The following SLC39A11 variants were observed in gnomAD, a reference collection of about 807,000 sequenced individuals.
SLC39A11 encodes the protein solute carrier family 39 member 11.
SLC39A11 carries 33 observed loss-of-function variants against 36.1 expected under a neutral mutation model. The ratio of observed to expected loss-of-function variants is 0.91; its 90% CI spans 0.69 to 1.22. The LOEUF (loss-of-function observed/expected upper bound fraction) is 1.22. Among genes scored for constraint, SLC39A11 ranks in the 50% most tolerant of loss-of-function variants. The probability of loss-of-function intolerance (pLI) is 0.00; values close to 1 mark genes in which losing one functional copy is unlikely to be tolerated. For synonymous variants in SLC39A11, 166 were observed against 170.3 expected (o/e 0.97, Z 0.20); for missense variants, 432 against 430.3 (o/e 1.00, Z -0.03).
At chr17:72,976,988 G>A (rs893859718) in intron 4 of SLC39A11, among the ~76,000 whole-genome samples, 9 of 152,296 alleles carry the variant, frequency 5.9e-5, no homozygotes, top group African/African-American at 1.9e-4. Context: ...CTTATCCCCA[G>A]GACCTATGAC....
At chr17:72,956,836 T>C (rs963303879) in intron 4 of SLC39A11, among the ~76,000 whole-genome samples, 1 of 152,160 alleles carries the variant, frequency 6.6e-6, no homozygotes, top group Non-Finnish European at 1.5e-5. Context: ...TGTGTATGTA[T>C]CGCACAACTA....
At chr17:72,680,727 G>C (rs1250590249) in intron 7 of SLC39A11, among the ~76,000 whole-genome samples, 2 of 152,164 alleles carry the variant, frequency 1.3e-5, no homozygotes, top group African/African-American at 4.8e-5. Flanking sequence ...TTTTGTGTTG[G>C]CTTTTTCCAC....
At chr17:72,648,461 C>T (rs1374979245) in intron 9 of SLC39A11, among the ~76,000 whole-genome samples, 1 of 152,112 alleles carries the variant, frequency 6.6e-6, no homozygotes, top group Non-Finnish European at 1.5e-5. Context: ...ATCACCTTCA[C>T]TGACATTTTA....
intron 7 of SLC39A11, among the ~76,000 whole-genome samples, chr17:72,677,469 G>A (rs1431818808): frequency 2.6e-5 from 4 of 152,226 alleles, no homozygotes; most frequent in Non-Finnish European, 5.9e-5. Context: ...GGAAAAAAGA[G>A]AAGAGGGTGG....
intron 6 of SLC39A11, among the ~76,000 whole-genome samples, chr17:72,745,800 G>C (rs940274642): frequency 7.9e-5 from 12 of 152,168 alleles, no homozygotes; most frequent in African/African-American, 2.9e-4. Context: ...AAGCGGTGAT[G>C]CTACGACTTT....
intron 4 of SLC39A11, among the ~76,000 whole-genome samples, chr17:72,966,656 A>G (rs535831078): frequency 1.3e-5 from 2 of 151,600 alleles, no homozygotes; most frequent in South Asian, 2.1e-4. Flanking sequence ...TGCAAGCTCC[A>G]CCTCCCGGGT....
At chr17:73,057,740 C>A (rs1349246572) in intron 3 of SLC39A11, among the ~76,000 whole-genome samples, 1 of 152,144 alleles carries the variant, frequency 6.6e-6, no homozygotes, top group Admixed American at 6.5e-5. Flanking sequence ...GAGTACGAGA[C>A]CAGCCTGGCG....
chr17:73,023,227 A>G (rs2058415157), intron 4 of SLC39A11, among the ~76,000 whole-genome samples: 1 of 116,772 alleles, frequency 8.6e-6, no homozygotes, highest in Non-Finnish European at 1.8e-5. Flanking sequence ...CACAGTGCCT[A>G]AAAAAAAAAA....
At chr17:73,080,440 G>C (rs1346597812) in intron 3 of SLC39A11, among the ~76,000 whole-genome samples, 1 of 152,044 alleles carries the variant, frequency 6.6e-6, no homozygotes, top group Non-Finnish European at 1.5e-5. Context: ...ACATATAGAA[G>C]AACAAAACTG....
chr17:72,970,795 A>G (rs372819236), intron 4 of SLC39A11, among the ~76,000 whole-genome samples: 3 of 152,226 alleles, frequency 2.0e-5, no homozygotes, highest in Admixed American at 6.5e-5. Context: ...GATGAGAGGA[A>G]GCCTCCCCAC....
intron 5 of SLC39A11, among the ~76,000 whole-genome samples, chr17:72,924,089 G>C (rs774282493): frequency 1.3e-5 from 2 of 149,816 alleles, no homozygotes; most frequent in African/African-American, 2.5e-5. Flanking sequence ...CAAGGCTGCA[G>C]TGAGCCAAAT....
chr17:73,009,134 C>T (rs572196033), intron 4 of SLC39A11, among the ~76,000 whole-genome samples: 2 of 150,056 alleles, frequency 1.3e-5, no homozygotes, highest in Admixed American at 6.6e-5. Flanking sequence ...GAGGCCAAGG[C>T]GGGCGGATCA....
chr17:72,785,018 C>A (rs2076459641), intron 6 of SLC39A11, among the ~76,000 whole-genome samples: 1 of 152,046 alleles, frequency 6.6e-6, no homozygotes, highest in Non-Finnish European at 1.5e-5. Flanking sequence ...CAGGCATGCG[C>A]CCCCATGCTT....
At chr17:72,755,569 A>G (rs1211277176) in intron 6 of SLC39A11, among the ~76,000 whole-genome samples, 1 of 152,264 alleles carries the variant, frequency 6.6e-6, no homozygotes, top group African/African-American at 2.4e-5. Context: ...ACTGCAAAAC[A>G]CTTGGTAAAT....
At chr17:72,680,032 ACT>A (rs1331567262) in intron 7 of SLC39A11, among the ~76,000 whole-genome samples, 1 of 122,994 alleles carries the variant, frequency 8.1e-6, no homozygotes, top group African/African-American at 3.6e-5. Flanking sequence ...ACAGAGTGAG[ACT>A]CTGTCTCAAA....
At chr17:72,741,530 T>C (rs1379406132) in intron 6 of SLC39A11, among the ~76,000 whole-genome samples, 1 of 152,176 alleles carries the variant, frequency 6.6e-6, no homozygotes, top group Non-Finnish European at 1.5e-5. Flanking sequence ...TAGCCCAGTG[T>C]CTAGCATACA....
chr17:72,822,515 A>C (rs1267948154), intron 6 of SLC39A11, among the ~76,000 whole-genome samples: 2 of 150,910 alleles, frequency 1.3e-5, no homozygotes, highest in Admixed American at 6.6e-5. Flanking sequence ...CCTCAGCTTC[A>C]CGTGGCCAGT....
At chr17:73,057,778 A>G (rs1369268533) in intron 3 of SLC39A11, among the ~76,000 whole-genome samples, 1 of 152,144 alleles carries the variant, frequency 6.6e-6, no homozygotes, top group Non-Finnish European at 1.5e-5. Context: ...TCTCTACAAA[A>G]ATACGAAAAT....
chr17:72,716,990 T>TAC lies in SLC39A11; in HGVS notation c.671+19659_671+19660insGT, dbSNP rs1452808858. Among the ~76,000 whole-genome samples, 351 of 123,348 alleles carry TAC rather than the reference T, an allele frequency of 2.8e-3. 3 individuals are homozygous for TAC. Among genetic ancestry groups the TAC allele is most frequent in the South Asian group, 4.8e-3 (20 of 4,160 alleles). 80.9% of individuals were successfully genotyped at this position (123,348 alleles called of 152,430 possible). On this transcript the variant is annotated intron_variant, in intron 7 of 9. Coordinates refer to ENST00000255559, the MANE Select transcript of SLC39A11 (RefSeq NM_139177.4). ...TCTCAAAAAAAAAAAAATATATATA[T>TAC]ATACACACACACACACACACACACA...
Sources: allele counts gnomAD v4.1 joint callset (sites outside exome capture counted in the v4.1 genomes callset), GRCh38; gene constraint gnomAD v4.1.1; transcripts MANE v1.5; gene names NCBI Gene and HGNC (gene_info 2026-07-23, HGNC 2026-07-21).